LRP1B: variants seen among roughly 807,000 people sequenced by gnomAD.
LRP1B encodes low-density lipoprotein receptor-related protein 1B.
In LRP1B, 217 loss-of-function variants were observed where a neutral mutation model predicts 556.6. The observed-to-expected ratio is 0.39, with a 90% CI of 0.35 to 0.44. The LOEUF is 0.44. LRP1B is among the 20% of genes least tolerant of loss of function. The pLI, the probability that LRP1B is intolerant of heterozygous loss-of-function variation, is 1.00. For synonymous variants in LRP1B, 2,047 were observed against 1,865.8 expected, an observed-to-expected ratio of 1.10 and a Z score of -2.50; for missense variants, 5,053 against 5,620.8, an observed-to-expected ratio of 0.90 and a Z score of 3.23.
Position 140,840,067 on chromosome 2 carries a change from A to G in LRP1B, c.5133T>C (p.Asp1711=), listed in dbSNP as rs764317136. 13 of 1,609,792 alleles carry G rather than the reference A, an allele frequency of 8.1e-6. No homozygotes were observed. The highest frequency in any genetic ancestry group is 6.7e-5 in the East Asian group (3 of 44,802). The change falls in exon 31 of 91, where the codon GAT becomes GAC. Residue 1711 remains aspartate (D), a synonymous_variant. Coordinates refer to ENST00000389484, the MANE Select transcript of LRP1B (RefSeq NM_018557.3). ...HPVRGKLYWT[D]GNTINMANMD... ...TATTTGCCATGTTAATTGTGTTTCC[A>G]TCGGTCCAGTAGAGTTTTCTTAATT...
At chr2:141,152,237 A>C (rs1230257761) in intron 7 of LRP1B, among the ~76,000 whole-genome samples, 2 of 151,966 alleles carry the variant, frequency 1.3e-5, no homozygotes, top group Non-Finnish European at 1.5e-5. Flanking sequence ...TTAGAGTACA[A>C]ATAATAATAG....
chr2:140,863,171 T>C (rs1692849833), intron 27 of LRP1B, among the ~76,000 whole-genome samples: 3 of 152,200 alleles, frequency 2.0e-5, no homozygotes, highest in African/African-American at 7.2e-5. Context: ...TATATATATA[T>C]GTGTTACACA....
chr2:141,412,895 G>A (rs1690905779), intron 3 of LRP1B, among the ~76,000 whole-genome samples: 2 of 152,048 alleles, frequency 1.3e-5, no homozygotes, highest in East Asian at 3.9e-4. Context: ...ATATAAATAA[G>A]TTACCTTATA....
At chr2:141,618,190 T>A (rs909754694) in intron 2 of LRP1B, among the ~76,000 whole-genome samples, 1 of 152,154 alleles carries the variant, frequency 6.6e-6, no homozygotes, top group Non-Finnish European at 1.5e-5. Flanking sequence ...CTTTTATTTT[T>A]TTTTTCCTCG....
intron 27 of LRP1B, among the ~76,000 whole-genome samples, chr2:140,860,995 TATCTATC>T (rs1308738358): frequency 0.018 from 2,760 of 152,100 alleles, 78 homozygotes; most frequent in African/African-American, 0.062. Flanking sequence ...TCTATCTATC[TATCTATC>T]TATCTATCTA....
chr2:141,828,649 G>T (rs922967426), intron 1 of LRP1B, among the ~76,000 whole-genome samples: 1 of 152,026 alleles, frequency 6.6e-6, no homozygotes, highest in Admixed American at 6.6e-5. Context: ...GGTTTCACAA[G>T]ATGCCTTCAA....
At chr2:141,475,450 C>A (rs1009288621) in intron 3 of LRP1B, among the ~76,000 whole-genome samples, 1 of 151,964 alleles carries the variant, frequency 6.6e-6, no homozygotes, top group Non-Finnish European at 1.5e-5. Flanking sequence ...TTGCTTATAC[C>A]CACTTTAAAT....
intron 2 of LRP1B, among the ~76,000 whole-genome samples, chr2:141,742,079 T>C (rs1166225654): frequency 6.6e-6 from 1 of 152,142 alleles, no homozygotes; most frequent in Non-Finnish European, 1.5e-5. Context: ...TCTTGACACC[T>C]TTGTCAAAAA....
At chr2:140,615,923 A>G (rs1251795475) in intron 41 of LRP1B, among the ~76,000 whole-genome samples, 1 of 152,034 alleles carries the variant, frequency 6.6e-6, no homozygotes, top group Non-Finnish European at 1.5e-5. Flanking sequence ...GTCTCTACAT[A>G]TTCTTAGTCA....
rs189696802 is a variant in LRP1B at position 142,021,274 on chromosome 2, T to A, written c.82+109374A>T. ...TTTACTGCATACAAATTATGTTGAA[T>A]AGATTTTTGAGATTTTAAAAAATCT... On this transcript the variant is annotated intron_variant, in intron 1 of 90. Transcript: ENST00000389484. 2.5e-3 allele frequency among the ~76,000 whole-genome samples: 387 copies of A among 152,196 alleles called. 1 individual carries two copies. Among genetic ancestry groups the A allele is most frequent in the African/African-American group, 8.9e-3 (370 of 41,540 alleles).
intron 32 of LRP1B, among the ~76,000 whole-genome samples, chr2:140,795,142 A>G (rs1690259852): frequency 2.6e-5 from 4 of 152,156 alleles, no homozygotes; most frequent in African/African-American, 9.7e-5. Flanking sequence ...TATACTAACT[A>G]AAGAGCCTTC....
chr2:140,363,880 C>T (rs73964211), intron 72 of LRP1B, among the ~76,000 whole-genome samples: 4,639 of 151,608 alleles, frequency 0.031, 226 homozygotes, highest in African/African-American at 0.11. Context: ...TGGTGTGCCA[C>T]TGAGTTATAT....
At chr2:140,500,214 T>G (rs578261510) in intron 55 of LRP1B, among the ~76,000 whole-genome samples, 1 of 152,110 alleles carries the variant, frequency 6.6e-6, no homozygotes, top group South Asian at 2.1e-4. Context: ...ATATATTTCT[T>G]GGTGTTTCAG....
chr2:141,658,551 C>T (rs1190616109), intron 2 of LRP1B, among the ~76,000 whole-genome samples: 2 of 152,182 alleles, frequency 1.3e-5, no homozygotes, highest in Admixed American at 1.3e-4. Flanking sequence ...AACATCCCAG[C>T]TGAACTATTT....
chr2:141,739,389 T>A (rs1034298749), intron 2 of LRP1B, among the ~76,000 whole-genome samples: 2 of 152,006 alleles, frequency 1.3e-5, no homozygotes, highest in Non-Finnish European at 2.9e-5. Flanking sequence ...CAAAGATACA[T>A]CTCTACAAGA....
intron 2 of LRP1B, among the ~76,000 whole-genome samples, chr2:141,518,116 T>A (rs1684390888): frequency 2.5e-5 from 1 of 39,374 alleles, no homozygotes; most frequent in Admixed American, 3.9e-4. Flanking sequence ...TGAGCAAGGT[T>A]ATCTTTAAAA....
chr2:141,219,909 C>T (rs1333875361), intron 6 of LRP1B, among the ~76,000 whole-genome samples: 2 of 151,990 alleles, frequency 1.3e-5, no homozygotes, highest in East Asian at 3.9e-4. Flanking sequence ...ACAAAAAAGA[C>T]CCCATAAAAA....
rs1249535018 is a variant in LRP1B, at chr2:141,793,870, GT to G, written c.205+16408del. On this transcript the variant is annotated intron_variant, in intron 2 of 90. Transcript: ENST00000389484. ...CTTTTTTATCTGTACATAGAGAGGA[GT>G]TTTTATCCTTACTTATTCCAATTAA... Among the ~76,000 whole-genome samples the G allele has an allele frequency of 3.3e-5, 5 of 151,846 alleles. No individual in the cohort carries two copies. The East Asian group carries it at 9.7e-4, about 29-fold the overall frequency.
chr2:140,555,384 A>G (rs1471687107), intron 43 of LRP1B, among the ~76,000 whole-genome samples: 1 of 152,144 alleles, frequency 6.6e-6, no homozygotes, highest in African/African-American at 2.4e-5. Context: ...TGAAAAAAAT[A>G]CAGCCTAGGA....
Sources: allele counts gnomAD v4.1 joint callset (sites outside exome capture counted in the v4.1 genomes callset), GRCh38; gene constraint gnomAD v4.1.1; transcripts MANE v1.5; gene names NCBI Gene and HGNC (gene_info 2026-07-23, HGNC 2026-07-21).